The following ENOSF1 variants were observed in gnomAD, a reference collection of about 807,000 sequenced individuals.
ENOSF1 encodes mitochondrial enolase superfamily member 1.
A neutral mutation model predicts 68.2 loss-of-function variants in ENOSF1; 73 were observed. That is an observed-to-expected ratio of 1.07 (90% CI 0.89 to 1.30). The LOEUF (loss-of-function observed/expected upper bound fraction) is 1.30. Ranked by LOEUF, ENOSF1 falls within the 50% of genes most tolerant of loss-of-function variation. The pLI is 0.00. For missense variants in ENOSF1, 589 were observed against 554.5 expected (o/e 1.06, Z -0.62); for synonymous variants, 223 against 210.4 (o/e 1.06, Z -0.52).
intron 1 of ENOSF1, chr18:712,292 A>C: frequency 3.2e-5 from 49 of 1,524,914 alleles, no homozygotes; most frequent in East Asian, 1.5e-4. Context: ...GAAGTCGGGA[A>C]GCTGCCCGGG....
At chr18:690,927 T>C (rs144327897) in intron 7 of ENOSF1, 141 bp downstream of exon 7, 1 of 1,194,286 alleles carries the variant, frequency 8.4e-7, no homozygotes, top group South Asian at 1.5e-5. Flanking sequence ...GGCTTCACCA[T>C]GCAGACTTGA....
At chr18:704,440 G>GAA (rs11429267) in intron 2 of ENOSF1, among the ~76,000 whole-genome samples, 46 of 97,236 alleles carry the variant, frequency 4.7e-4, no homozygotes, top group African/African-American at 1.6e-3. Flanking sequence ...AAAAAGAAAA[G>GAA]AAAAAAAAAA....
chr18:697,404 G>C, intron 2 of ENOSF1, 49 bp from the exon 3 acceptor site: 1 of 1,305,916 alleles, frequency 7.7e-7, no homozygotes, highest in Non-Finnish European at 1.1e-6. Context: ...ACTAGGTCAA[G>C]AAATTAGCAC....
chr18:669,276 T>C (rs2074931846), downstream of ENOSF1: 1 of 870,916 alleles, frequency 1.1e-6, no homozygotes, highest in Non-Finnish European at 1.8e-6. Flanking sequence ...CCCTGGGAAC[T>C]TCCCCCAGCC....
At chr18:667,787 T>C (rs1436736264), downstream of ENOSF1, 1 of 152,104 alleles carries the variant, frequency 6.6e-6, no homozygotes, top group African/African-American at 2.4e-5. Flanking sequence ...TGCACCTCAG[T>C]TGTAGGGTGT....
intron 9 of ENOSF1, chr18:687,427 C>G (rs2076716038): frequency 6.6e-6 from 1 of 152,080 alleles, no homozygotes; most frequent in Non-Finnish European, 1.5e-5. Context: ...GGGGAGAGGC[C>G]CAGGCTGCAT....
chr18:669,366 A>AC, downstream of ENOSF1: 1 of 190,608 alleles, frequency 5.2e-6, no homozygotes, highest in Non-Finnish European at 9.7e-6. Context: ...GGCCCAGAGG[A>AC]TTTTTTTTTT....
downstream of ENOSF1, chr18:667,696 T>C (rs1303350423): frequency 6.6e-6 from 1 of 152,166 alleles, no homozygotes; most frequent in African/African-American, 2.4e-5. Flanking sequence ...AGTTTAATAT[T>C]ATGTGTACTT....
intron 2 of ENOSF1, among the ~76,000 whole-genome samples, chr18:705,172 C>T (rs914885636): frequency 3.9e-5 from 6 of 152,162 alleles, no homozygotes; most frequent in Admixed American, 3.3e-4. Flanking sequence ...CTACTGAGAG[C>T]GCTGATGGTG....
At position 675,315 on chromosome 18, in the gene ENOSF1, G is replaced by A. The variant is rs541104316; in HGVS notation, c.1230+6C>T. The A allele has an allele frequency of 1.6e-5, 26 of 1,608,794 alleles. No individual in the cohort carries two copies. In the Middle Eastern group the frequency reaches 1.2e-3, roughly 75 times the overall value. ...CTTCTACAGGGGCCCTCAGGCCACA[G>A]CTTACCTTGGGAGGCATGTAGGAAG... On this transcript the variant is annotated splice_donor_region_variant and intron_variant, in intron 15 of 15. Transcript: ENST00000647584.
At chr18:681,675 C>A (rs1294321265) in intron 11 of ENOSF1, among the ~76,000 whole-genome samples, 3 of 152,176 alleles carry the variant, frequency 2.0e-5, no homozygotes, top group Non-Finnish European at 4.4e-5. Context: ...GCTTAGCTTT[C>A]CTTATGGAGT....
chr18:676,195 G>A (rs1366563527), intron 14 of ENOSF1, among the ~76,000 whole-genome samples: 4 of 152,320 alleles, frequency 2.6e-5, no homozygotes, highest in East Asian at 3.9e-4. Flanking sequence ...GCAAGTGACC[G>A]AGCTCTGCTG....
At chr18:697,482 G>T in intron 2 of ENOSF1, 127 bp from the exon 3 acceptor site, 2 of 706,986 alleles carry the variant, frequency 2.8e-6, no homozygotes, top group Non-Finnish European at 4.7e-6. Flanking sequence ...CAGGCGCGGT[G>T]GCTCATGCCT....
chr18:667,505 TGATGGTGATGGTGATGGTGATGGA>T (rs1567990820), downstream of ENOSF1, among the ~76,000 whole-genome samples: 15 of 38,860 alleles, frequency 3.9e-4, 1 homozygote, highest in East Asian at 0.015. Flanking sequence ...ATGGAGATGG[TGATGGTGATGGTGATGGTGATGGA>T]GATGGTGATG....
chr18:672,659 CCT>C lies in ENOSF1; in HGVS notation c.*1644_*1645del, dbSNP rs2075116629. 1 of 435,930 alleles carries C rather than the reference CCT, an allele frequency of 2.3e-6. No homozygotes were observed. The highest frequency in any genetic ancestry group is 4.0e-6 in the Non-Finnish European group (1 of 251,342). 27.0% of individuals were successfully genotyped at this position (435,930 alleles called of 1,614,324 possible). ...ATGCTGTGTAATGTCACAAAATACC[CCT>C]CACTCTCGATCTGTGCAAGAGAACA... On this transcript the variant is annotated 3_prime_UTR_variant, in exon 16 of 16. Coordinates refer to ENST00000647584, the MANE Select transcript of ENOSF1 (RefSeq NM_017512.7).
At chr18:693,659 C>A in intron 5 of ENOSF1, 2 of 985,308 alleles carry the variant, frequency 2.0e-6, no homozygotes, top group East Asian at 1.1e-4. Flanking sequence ...GAGGCAGGAC[C>A]CCCTCACTGC....
At chr18:693,773 A>G in intron 5 of ENOSF1, 109 bp downstream of exon 5, 2 of 1,555,764 alleles carry the variant, frequency 1.3e-6, no homozygotes, top group South Asian at 2.5e-5. Flanking sequence ...TCATCGCTAT[A>G]GTGATCAACA....
intron 10 of ENOSF1, among the ~76,000 whole-genome samples, chr18:685,165 C>CT (rs550089497): frequency 2.0e-5 from 3 of 151,966 alleles, no homozygotes; most frequent in South Asian, 2.1e-4. Flanking sequence ...AATGCTAACA[C>CT]TTTTTTTTCT....
chr18:690,698 A>G, intron 7 of ENOSF1, 67 bp from the exon 8 acceptor site: 1 of 1,602,886 alleles, frequency 6.2e-7, no homozygotes, highest in Non-Finnish European at 8.5e-7. Flanking sequence ...AAGTGCCTGT[A>G]GCTAAGCTGT....
Sources: gnomAD v4.1 joint callset for allele counts (sites outside exome capture counted in the v4.1 genomes callset) on GRCh38, gnomAD v4.1.1 for gene constraint, MANE v1.5 for transcripts, NCBI Gene and HGNC (gene_info 2026-07-23, HGNC 2026-07-21) for gene names.